The following ARHGAP15 variants were observed in gnomAD, a reference collection of about 807,000 sequenced individuals.
ARHGAP15 encodes the protein Rho GTPase activating protein 15, also known as rho GTPase-activating protein 15.
In ARHGAP15, 51 loss-of-function variants were observed where a neutral mutation model predicts 63.7. The ratio of observed to expected loss-of-function variants is 0.80; its 90% confidence interval spans 0.64 to 1.01. ARHGAP15 has a LOEUF of 1.01. Ranked by LOEUF, ARHGAP15 falls within the 50% of genes least tolerant of loss-of-function variation. ARHGAP15 has a pLI of 0.00. For missense variants in ARHGAP15, 560 were observed against 564.6 expected, an observed-to-expected ratio of 0.99 and a Z score of 0.08; for synonymous variants, 191 against 193.8, an observed-to-expected ratio of 0.99 and a Z score of 0.12.
chr2:143,223,910 C>G (rs1158866207), intron 4 of ARHGAP15, among the ~76,000 whole-genome samples: 1 of 152,156 alleles, frequency 6.6e-6, no homozygotes, highest in African/African-American at 2.4e-5. Flanking sequence ...ATGGGAGTAT[C>G]CTAGGCTCAT....
intron 10 of ARHGAP15, among the ~76,000 whole-genome samples, chr2:143,546,289 T>C (rs941903823): frequency 6.6e-6 from 1 of 152,200 alleles, no homozygotes; most frequent in Non-Finnish European, 1.5e-5. Flanking sequence ...GGCAAATATA[T>C]GAATTTTAAA....
At chr2:143,517,910 G>C (rs1399527304) in intron 9 of ARHGAP15, among the ~76,000 whole-genome samples, 1 of 152,140 alleles carries the variant, frequency 6.6e-6, no homozygotes, top group Non-Finnish European at 1.5e-5. Flanking sequence ...TTTAAAGACG[G>C]GGAGGAAAGA....
chr2:143,540,869 C>G (rs888574382), intron 10 of ARHGAP15, among the ~76,000 whole-genome samples: 34 of 152,172 alleles, frequency 2.2e-4, no homozygotes, highest in African/African-American at 8.2e-4. Flanking sequence ...CGTTGCTCTT[C>G]CCAAGGAGAA....
At chr2:143,335,667 A>G (rs1405586292) in intron 6 of ARHGAP15, among the ~76,000 whole-genome samples, 1 of 152,216 alleles carries the variant, frequency 6.6e-6, no homozygotes, top group Admixed American at 6.5e-5. Context: ...ATCTGTGTTT[A>G]GGGATATAAC....
intron 9 of ARHGAP15, among the ~76,000 whole-genome samples, chr2:143,504,534 C>T (rs1693216582): frequency 6.6e-6 from 1 of 152,194 alleles, no homozygotes; most frequent in Non-Finnish European, 1.5e-5. Context: ...TGGCCAAAGC[C>T]CCTGCAGCTG....
chr2:143,438,521 C>A (rs1281230911), intron 8 of ARHGAP15, among the ~76,000 whole-genome samples: 1 of 152,072 alleles, frequency 6.6e-6, no homozygotes, highest in East Asian at 1.9e-4. Flanking sequence ...TATGCAAAAT[C>A]CCATGCCATA....
chr2:143,607,158 C>T (rs1000435211), intron 11 of ARHGAP15, among the ~76,000 whole-genome samples: 8 of 152,142 alleles, frequency 5.3e-5, no homozygotes, highest in Non-Finnish European at 8.8e-5. Context: ...ATTTCAGTCA[C>T]GCTGCTCTAA....
chr2:143,692,246 T>C (rs1683639351), intron 12 of ARHGAP15, among the ~76,000 whole-genome samples: 1 of 152,120 alleles, frequency 6.6e-6, no homozygotes, highest in Non-Finnish European at 1.5e-5. Flanking sequence ...TAAAAGGGCA[T>C]AACATAATTT....
intron 6 of ARHGAP15, among the ~76,000 whole-genome samples, chr2:143,318,503 A>C (rs1342390426): frequency 7.5e-6 from 1 of 133,110 alleles, no homozygotes; most frequent in South Asian, 2.4e-4. Context: ...CTTCCAGATT[A>C]AGGGCCTTTT....
At chr2:143,536,225 T>C (rs1196932545) in intron 10 of ARHGAP15, among the ~76,000 whole-genome samples, 2 of 152,216 alleles carry the variant, frequency 1.3e-5, no homozygotes, top group Non-Finnish European at 2.9e-5. Context: ...TACCAGCCTC[T>C]AGTAGCCACC....
intron 12 of ARHGAP15, chr2:143,683,014 A>G (rs1683175385): frequency 6.6e-6 from 1 of 152,224 alleles, no homozygotes; most frequent in African/African-American, 2.4e-5. Context: ...TGTGGTTAAA[A>G]AAAGATTTCT....
chr2:143,640,100 A>C (rs1680533894), intron 12 of ARHGAP15, among the ~76,000 whole-genome samples: 1 of 152,136 alleles, frequency 6.6e-6, no homozygotes, highest in Non-Finnish European at 1.5e-5. Context: ...AGACCAACGA[A>C]AATATCGTTT....
At chr2:143,292,292 CT>C (rs976687470) in intron 6 of ARHGAP15, among the ~76,000 whole-genome samples, 3 of 151,738 alleles carry the variant, frequency 2.0e-5, no homozygotes, top group Admixed American at 1.3e-4. Flanking sequence ...AGTGTTGCTG[CT>C]TTTTTTTAGT....
chr2:143,722,665 G>A (rs1244838094), intron 13 of ARHGAP15, among the ~76,000 whole-genome samples: 1 of 152,254 alleles, frequency 6.6e-6, no homozygotes, highest in Non-Finnish European at 1.5e-5. Context: ...TGTGCAGCCT[G>A]TAATTCAAAT....
chr2:143,280,439 G>A (rs990635761), intron 6 of ARHGAP15, among the ~76,000 whole-genome samples: 2 of 152,102 alleles, frequency 1.3e-5, no homozygotes, highest in Admixed American at 1.3e-4. Flanking sequence ...ACAATAAAGA[G>A]AGGTTAATAG....
At chr2:143,476,478 A>G (rs1574501686) in intron 8 of ARHGAP15, among the ~76,000 whole-genome samples, 1 of 152,322 alleles carries the variant, frequency 6.6e-6, no homozygotes, top group East Asian at 1.9e-4. Context: ...TGAAGAAAAC[A>G]TTCTAAGGTT....
rs1386374643 is a variant in ARHGAP15, at chr2:143,455,040, G to A, written c.703+17998G>A. On this transcript the variant is annotated intron_variant, in intron 8 of 13. Coordinates refer to ENST00000295095, the MANE Select transcript of ARHGAP15 (RefSeq NM_018460.4). The stretch of plus-strand genomic sequence containing the variant: ...CCCCAAGACAGGGTTCTTGGACCTC[G>A]CGCAAGAAAGAATCTGAGGTGAGTC... 5.9e-5 allele frequency among the ~76,000 whole-genome samples: 9 copies of A among 152,038 alleles called. No homozygotes were observed. In the South Asian group the frequency reaches 1.7e-3, roughly 28 times the overall value.
chr2:143,551,190 C>T (rs6717014), intron 10 of ARHGAP15, among the ~76,000 whole-genome samples: 46,265 of 152,120 alleles, frequency 0.3, 7,779 homozygotes, highest in East Asian at 0.42. Context: ...TCACTCTGTC[C>T]ACCCAGGCTG....
intron 6 of ARHGAP15, among the ~76,000 whole-genome samples, chr2:143,336,090 T>A (rs1684759449): frequency 6.6e-6 from 1 of 152,234 alleles, no homozygotes; most frequent in South Asian, 2.1e-4. Flanking sequence ...AGCCTCGACC[T>A]CCCAGGCTCA....
Sources: gnomAD v4.1 joint callset for allele counts (sites outside exome capture counted in the v4.1 genomes callset) on GRCh38, gnomAD v4.1.1 for gene constraint, MANE v1.5 for transcripts, NCBI Gene and HGNC (gene_info 2026-07-23, HGNC 2026-07-21) for gene names.